SLC44A5: variants seen among roughly 807,000 people sequenced by gnomAD.
SLC44A5 encodes choline transporter-like protein 5.
A neutral mutation model predicts 101.8 loss-of-function variants in SLC44A5; 57 were observed. The observed-to-expected ratio is 0.56, with a 90% CI of 0.45 to 0.70. SLC44A5 has a LOEUF of 0.70. Among genes scored for constraint, SLC44A5 ranks in the 30% least tolerant of loss-of-function variants. The pLI is 0.00. For missense variants in SLC44A5, 737 were observed against 853.1 expected (o/e 0.86, Z 1.70); for synonymous variants, 281 against 290.9 (o/e 0.97, Z 0.35).
At chr1:75,659,494 C>A in the SLC44A5 span, among the ~76,000 whole-genome samples, 28,011 of 64,350 alleles carry the variant, frequency 0.44, 5,816 homozygotes, top group South Asian at 0.67. Context: ...GGAAGGAAGG[C>A]AGGCAGGCAG....
chr1:75,669,377 C>G, the SLC44A5 span, among the ~76,000 whole-genome samples: 1 of 152,184 alleles, frequency 6.6e-6, no homozygotes, highest in Non-Finnish European at 1.5e-5. Context: ...AGTCTCCATT[C>G]TGGCTTGACA....
intron 1 of SLC44A5, among the ~76,000 whole-genome samples, chr1:75,580,737 C>T (rs1218487302): frequency 1.3e-5 from 2 of 151,484 alleles, no homozygotes; most frequent in East Asian, 3.9e-4. Context: ...ACTCAGAAGG[C>T]TGAGGCAGGA....
Position 75,405,115 on chromosome 1 carries a change from G to A in SLC44A5, c.14-8494C>T, listed in dbSNP as rs529196726. Among the ~76,000 whole-genome samples the A allele has an allele frequency of 7.2e-4, 109 of 152,246 alleles. 1 individual carries two copies. The highest frequency in any genetic ancestry group is 5.3e-4 in the Non-Finnish European group (36 of 68,012). ...GAGACAAAGAAGGGCATTACATACT[G>A]GTAAAGGGATCAATGCAACAAGAAG... On this transcript the variant is annotated intron_variant, in intron 2 of 23. Coordinates refer to ENST00000370859, the MANE Select transcript of SLC44A5 (RefSeq NM_001130058.2).
intron 1 of SLC44A5, among the ~76,000 whole-genome samples, chr1:75,573,607 GC>G (rs1398880246): frequency 3.3e-5 from 5 of 152,084 alleles, no homozygotes; most frequent in Non-Finnish European, 4.4e-5. Flanking sequence ...TTTAACCGTT[GC>G]TGGGTATCGT....
intron 3 of SLC44A5, among the ~76,000 whole-genome samples, chr1:75,372,827 T>G (rs1474677417): frequency 6.6e-6 from 1 of 152,234 alleles, no homozygotes; most frequent in Non-Finnish European, 1.5e-5. Context: ...TAGCTTTGGT[T>G]GTTCAAACAA....
At chr1:75,394,293 G>A (rs1230697619) in intron 3 of SLC44A5, among the ~76,000 whole-genome samples, 2 of 152,176 alleles carry the variant, frequency 1.3e-5, no homozygotes, top group African/African-American at 4.8e-5. Flanking sequence ...CTGTGGAAAT[G>A]ATAAAAAACT....
the SLC44A5 span, among the ~76,000 whole-genome samples, chr1:75,667,856 A>G: frequency 6.6e-6 from 1 of 151,372 alleles, no homozygotes; most frequent in Non-Finnish European, 1.5e-5. Context: ...AGATGGAAAA[A>G]CCCAGCAGTC....
At chr1:75,536,871 T>A (rs1671051041) in intron 2 of SLC44A5, among the ~76,000 whole-genome samples, 1 of 140,462 alleles carries the variant, frequency 7.1e-6, no homozygotes, top group Non-Finnish European at 1.6e-5. Flanking sequence ...CCGGGCGTAG[T>A]GGCGGGCGCC....
At chr1:75,327,972 C>T (rs1376562766) in intron 4 of SLC44A5, among the ~76,000 whole-genome samples, 1 of 152,136 alleles carries the variant, frequency 6.6e-6, no homozygotes, top group African/African-American at 2.4e-5. Context: ...TGAGAAATCC[C>T]ATAATGCGAT....
At chr1:75,716,039 G>T in the SLC44A5 span, among the ~76,000 whole-genome samples, 1 of 152,082 alleles carries the variant, frequency 6.6e-6, no homozygotes, top group African/African-American at 2.4e-5. Context: ...AGAGACACGT[G>T]GCCAACAAGC....
chr1:75,655,365 T>C, the SLC44A5 span, among the ~76,000 whole-genome samples: 235 of 151,698 alleles, frequency 1.5e-3, no homozygotes, highest in Middle Eastern at 0.014. Flanking sequence ...AGGAAGGGAG[T>C]ATTTAGGCTA....
At chr1:75,302,112 GTTTTTTTTTTTT>G (rs10684140) in intron 4 of SLC44A5, among the ~76,000 whole-genome samples, 1 of 60,138 alleles carries the variant, frequency 1.7e-5, no homozygotes, top group Non-Finnish European at 2.8e-5. Flanking sequence ...TAGTTTTTTT[GTTTTTTTTTTTT>G]TTTTTTTTTT....
At chr1:75,289,161 A>G (rs1653324870) in intron 5 of SLC44A5, among the ~76,000 whole-genome samples, 1 of 152,196 alleles carries the variant, frequency 6.6e-6, no homozygotes, top group Non-Finnish European at 1.5e-5. Context: ...AAGGGGTGCA[A>G]TACTTATTAG....
chr1:75,361,726 T>A (rs1039619125), intron 3 of SLC44A5, among the ~76,000 whole-genome samples: 2 of 152,152 alleles, frequency 1.3e-5, no homozygotes, highest in Non-Finnish European at 2.9e-5. Flanking sequence ...ATTGTTTTGA[T>A]GTATTGTTGA....
chr1:75,530,633 A>G (rs1670662458), intron 2 of SLC44A5, among the ~76,000 whole-genome samples: 1 of 152,116 alleles, frequency 6.6e-6, no homozygotes, highest in Admixed American at 6.5e-5. Flanking sequence ...AAATTTTGAT[A>G]TTTCTTCTTT....
intron 2 of SLC44A5, among the ~76,000 whole-genome samples, chr1:75,474,935 C>A (rs1267847703): frequency 6.6e-6 from 1 of 152,166 alleles, no homozygotes; most frequent in Admixed American, 6.5e-5. Flanking sequence ...ACTAAAATGG[C>A]CCTACTAAGA....
intron 1 of SLC44A5, among the ~76,000 whole-genome samples, chr1:75,593,889 G>A (rs1030139778): frequency 6.6e-6 from 1 of 151,866 alleles, no homozygotes; most frequent in Non-Finnish European, 1.5e-5. Flanking sequence ...ACAAAAAATA[G>A]AGGGAAGTGG....
chr1:75,515,517 G>C (rs1669783393), intron 2 of SLC44A5, among the ~76,000 whole-genome samples: 1 of 152,190 alleles, frequency 6.6e-6, no homozygotes, highest in Non-Finnish European at 1.5e-5. Flanking sequence ...ATGTAGGTAA[G>C]AATGTGAGAT....
chr1:75,337,169 A>T (rs1254854525), intron 4 of SLC44A5, among the ~76,000 whole-genome samples: 1 of 150,504 alleles, frequency 6.6e-6, no homozygotes, highest in African/African-American at 2.4e-5. Flanking sequence ...TCTATGTCAC[A>T]CTGCTTCCTT....
Sources: allele counts gnomAD v4.1 joint callset (sites outside exome capture counted in the v4.1 genomes callset), GRCh38; gene constraint gnomAD v4.1.1; transcripts MANE v1.5; gene names NCBI Gene and HGNC (gene_info 2026-07-23, HGNC 2026-07-21).